SCNN1A: variants seen among roughly 807,000 people sequenced by gnomAD.
SCNN1A encodes the protein epithelial sodium channel subunit alpha.
Under a neutral mutation model 68.6 loss-of-function variants are expected in SCNN1A, and 65 were observed. The observed-to-expected ratio is 0.95, with a 90% CI of 0.78 to 1.16. SCNN1A has a LOEUF of 1.16. SCNN1A is among the 50% of genes most tolerant of loss of function. The pLI is 0.00. For synonymous variants in SCNN1A, 357 were observed against 353.3 expected (o/e 1.01, Z -0.12); for missense variants, 880 against 865.9 (o/e 1.02, Z -0.20).
At position 6,347,794 on chromosome 12, in the gene SCNN1A, C is replaced by T; in HGVS notation, c.*79G>A. ...GGCGGCTCTGAGAGGAAGCCCTGCA[C>T]ATCCTTCAATCTTGCCAGGGCCAGC... On this transcript the variant is annotated 3_prime_UTR_variant, in exon 13 of 13. Transcript: ENST00000228916. 1 of 1,273,362 alleles carries T rather than the reference C, an allele frequency of 7.9e-7. No homozygotes were observed. The highest frequency in any genetic ancestry group is 1.1e-6 in the Non-Finnish European group (1 of 891,090). The allele number at this position is 1,273,362 out of a possible 1,614,324, so 78.9% of individuals were successfully genotyped here.
intron 4 of SCNN1A, among the ~76,000 whole-genome samples, chr12:6,361,547 C>A (rs1565481589): frequency 6.6e-6 from 1 of 152,154 alleles, no homozygotes; most frequent in Non-Finnish European, 1.5e-5. Context: ...GGAGACCAGC[C>A]TGACCAACAT....
At chr12:6,356,560 C>T (rs1216696019) in intron 4 of SCNN1A, among the ~76,000 whole-genome samples, 1 of 152,280 alleles carries the variant, frequency 6.6e-6, no homozygotes, top group East Asian at 1.9e-4. Context: ...CAAGTGTTTC[C>T]TGGGAGCCTC....
intron 8 of SCNN1A, chr12:6,349,970 C>A: frequency 5.2e-6 from 1 of 191,974 alleles, no homozygotes; most frequent in Non-Finnish European, 1.2e-5. Flanking sequence ...TCGTGATCTG[C>A]CCGCCTCGGC....
At chr12:6,366,744 G>A in intron 2 of SCNN1A, among the ~76,000 whole-genome samples, 1 of 151,524 alleles carries the variant, frequency 6.6e-6, no homozygotes, top group East Asian at 1.9e-4. Flanking sequence ...AGGTTGCAGG[G>A]AGCCAAGATC....
chr12:6,375,067 C>T, intron 1 of SCNN1A: 3 of 1,529,040 alleles, frequency 2.0e-6, no homozygotes, highest in Non-Finnish European at 2.6e-6. Context: ...GCTGGGCTTC[C>T]CTAGAACGGC....
Position 6,348,816 on chromosome 12 carries a change from C to T in SCNN1A, c.1554-14G>A. On this transcript the variant is annotated splice_polypyrimidine_tract_variant and intron_variant, in intron 11 of 12. Transcript: ENST00000228916. Reference sequence around the variant, plus strand: ...GCCACTCCATTTCTTAGGTGTGGGGCAGAGGGTGGGAAGAAATGGTAGAGG... The same window carrying T: ...GCCACTCCATTTCTTAGGTGTGGGGTAGAGGGTGGGAAGAAATGGTAGAGG... 6.2e-7 allele frequency: 1 copy of T among 1,613,196 alleles called. No individual in the cohort carries two copies. The highest frequency in any genetic ancestry group is 8.5e-7 in the Non-Finnish European group (1 of 1,179,300).
chr12:6,375,336 C>T, intron 1 of SCNN1A, 169 bp downstream of exon 1: 1 of 1,442,686 alleles, frequency 6.9e-7, no homozygotes, highest in Non-Finnish European at 9.1e-7. Context: ...CCCTCAGCTC[C>T]AGCCTCTGGC....
At chr12:6,376,277 C>T (rs887724547), upstream of SCNN1A, 41 of 735,398 alleles carry the variant, frequency 5.6e-5, no homozygotes, top group African/African-American at 4.4e-4. Context: ...TGTCCAGACC[C>T]GGGAGGGGCC....
chr12:6,377,253 T>C (rs1379168748), upstream of SCNN1A: 1 of 1,551,070 alleles, frequency 6.4e-7, no homozygotes, highest in East Asian at 2.4e-5. Flanking sequence ...CTTGCTTACC[T>C]TGATACTGCT....
At chr12:6,375,300 C>T (rs989367229) in intron 1 of SCNN1A, 3 of 1,438,700 alleles carry the variant, frequency 2.1e-6, no homozygotes, top group Middle Eastern at 2.5e-4. Context: ...CTCTCCCCCC[C>T]TTGCCTTGCC....
chr12:6,349,286 T>A, intron 9 of SCNN1A, 41 bp downstream of exon 9: 1 of 1,613,284 alleles, frequency 6.2e-7, no homozygotes, highest in Non-Finnish European at 8.5e-7. Context: ...CTCGGTAACC[T>A]GTATTCTACC....
intron 2 of SCNN1A, among the ~76,000 whole-genome samples, chr12:6,370,698 C>T (rs530644156): frequency 6.6e-6 from 1 of 152,336 alleles, no homozygotes; most frequent in African/African-American, 2.4e-5. Context: ...CTGCCCGCCA[C>T]GTCTGGGGAC....
In SCNN1A at chr12:6,349,379, C is replaced by A; in HGVS notation, c.1387G>T (p.Asp463Tyr). Reference sequence around the variant, plus strand: ...CAGCCCAGGTGGTCTGAGGAGAAGTCAACCTGGAGCTTATAGTAGCAGTAC... The same window carrying A: ...CAGCCCAGGTGGTCTGAGGAGAAGTAAACCTGGAGCTTATAGTAGCAGTAC... ...WGYCYYKLQV[D>Y]FSSDHLGCFT... Residue 463 changes from aspartate to tyrosine, a missense_variant, in exon 9 of 13, where the codon GAC (aspartate) becomes TAC (tyrosine). By Grantham distance (160) the Asp-to-Tyr change is radical. Around this residue, in one of 3 missense-constraint regions of SCNN1A, gnomAD observed 758 missense variants for 721.8 expected, o/e 1.05. Coordinates refer to ENST00000228916, the MANE Select transcript of SCNN1A (RefSeq NM_001038.6). The A allele has an allele frequency of 6.2e-7, 1 of 1,604,730 alleles. No individual in the cohort carries two copies. The highest frequency in any genetic ancestry group is 1.1e-5 in the South Asian group (1 of 89,762).
chr12:6,372,190 A>G lies in SCNN1A; in HGVS notation c.416+2178T>C, dbSNP rs943233835. Among the ~76,000 whole-genome samples the G allele has an allele frequency of 1.4e-4, 21 of 152,296 alleles. No homozygotes were observed. Among genetic ancestry groups the G allele is most frequent in the Admixed American group, 1.1e-3 (17 of 15,292 alleles). ...TAAATAATGTATGTTCCCTTGCTCA[A>G]ATTATTTCCTCTTGCCAAGCCTTAA... is the stretch of plus-strand genomic sequence containing the variant. On this transcript the variant is annotated intron_variant, in intron 2 of 12. Transcript: ENST00000228916. This position sits in a 1 kb window ranked among gnomAD's most constrained non-coding sequence, Gnocchi z 5.8.
At chr12:6,375,311 C>G in intron 1 of SCNN1A, 194 bp downstream of exon 1, 3 of 1,438,138 alleles carry the variant, frequency 2.1e-6, no homozygotes, top group South Asian at 1.5e-5. Flanking sequence ...TTGCCTTGCC[C>G]CCTCTCACTC....
In SCNN1A at chr12:6,374,486, A is replaced by G. The variant is rs755271752; in HGVS notation, c.298T>C (p.Trp100Arg). ...LWLCTFGMMYWQFGLLFGEYF... is the reference protein window; with the variant it reads ...LWLCTFGMMYRQFGLLFGEYF... ...TCTCCGAAAAGCAGGCCGAATTGCC[A>G]GTACATCATGCCAAAGGTGCAGAGC... Residue 100 changes from tryptophan to arginine, a missense_variant, in exon 2 of 13, where the codon TGG (tryptophan) becomes CGG (arginine). By Grantham distance (101) the Trp-to-Arg change is moderately radical. Coordinates refer to ENST00000228916, the MANE Select transcript of SCNN1A (RefSeq NM_001038.6). This position sits in a 1 kb window ranked among gnomAD's most constrained non-coding sequence, Gnocchi z 6.2. 1 of 1,614,276 alleles carries G rather than the reference A, an allele frequency of 6.2e-7. No homozygotes were observed. Among genetic ancestry groups the G allele is most frequent in the Admixed American group, 1.7e-5 (1 of 60,038 alleles).
Position 6,354,486 on chromosome 12 carries a change from G to T in SCNN1A, c.1312C>A (p.Arg438=), listed in dbSNP as rs764254051. The part of the protein sequence containing the change: ...ECGCAYIFYP[R]PQNVEYCDYR... ...TCACAGTACTCCACGTTCTGGGGCC[G>T]CGGATAGAAGATGTAGGCACAGCCA... Residue 438 remains arginine, a synonymous_variant, in exon 8 of 13, where the codon CGG becomes AGG. Transcript: ENST00000228916. 6.2e-7 allele frequency: 1 copy of T among 1,613,606 alleles called. No homozygotes were observed. The highest frequency in any genetic ancestry group is 1.3e-5 in the African/African-American group (1 of 74,990).
At chr12:6,350,844 T>TAATAAATA (rs138838604) in intron 8 of SCNN1A, among the ~76,000 whole-genome samples, 15 of 150,790 alleles carry the variant, frequency 9.9e-5, no homozygotes, top group South Asian at 6.2e-4. Flanking sequence ...TCAAAATAAA[T>TAATAAATA]AATAAATAAA....
Position 6,351,286 on chromosome 12 carries a change from A to G in SCNN1A, c.1361-1881T>C, listed in dbSNP as rs1948382621. ...TGAAAATATTATGCTAAGTGAAATA[A>G]GGCAGACACGAGGGTCACACACTCT... On this transcript the variant is annotated intron_variant, in intron 8 of 12. Coordinates refer to ENST00000228916, the MANE Select transcript of SCNN1A (RefSeq NM_001038.6). The surrounding 1 kb of genome is among the most constrained non-coding windows in gnomAD (Gnocchi z 4.2). Among the ~76,000 whole-genome samples the G allele has an allele frequency of 6.6e-6, 1 of 152,216 alleles. No individual in the cohort carries two copies. Among genetic ancestry groups the G allele is most frequent in the South Asian group, 2.1e-4 (1 of 4,832 alleles).
Sources: allele counts gnomAD v4.1 joint callset (sites outside exome capture counted in the v4.1 genomes callset), GRCh38; gene constraint gnomAD v4.1.1; regional missense constraint gnomAD v4.1.1; non-coding constraint Gnocchi (gnomAD v3.1); transcripts MANE v1.5; gene names NCBI Gene and HGNC (gene_info 2026-07-23, HGNC 2026-07-21).